CDH13: variants seen among roughly 807,000 people sequenced by gnomAD.
CDH13 encodes the protein cadherin 13, also known as cadherin-13.
In CDH13, 24 loss-of-function variants were observed where a neutral mutation model predicts 63.8. The observed-to-expected ratio is 0.38, with a 90% CI of 0.27 to 0.53. The LOEUF is 0.53. Among genes scored for constraint, CDH13 ranks in the 20% least tolerant of loss-of-function variants. The probability of loss-of-function intolerance (pLI) is 0.85; values close to 1 mark genes in which losing one functional copy is unlikely to be tolerated. For synonymous variants in CDH13, 503 were observed against 355.3 expected (o/e 1.42, Z -4.67); for missense variants, 1,049 against 903.1 (o/e 1.16, Z -2.07).
At chr16:83,213,643 T>A (rs1026559018) in intron 4 of CDH13, among the ~76,000 whole-genome samples, 7 of 152,142 alleles carry the variant, frequency 4.6e-5, no homozygotes, top group African/African-American at 1.7e-4. Flanking sequence ...TCAGAATGCA[T>A]TGTATGTTAA....
chr16:83,080,871 GTTT>G (rs71148809), intron 3 of CDH13, among the ~76,000 whole-genome samples: 276 of 46,914 alleles, frequency 5.9e-3, no homozygotes, highest in African/African-American at 0.024. Context: ...TTGTTTTTGT[GTTT>G]TTTTTTTTTT....
rs539158947 is a variant in CDH13, at chr16:83,226,113, C to G, written c.636+8616C>G. 3.9e-4 allele frequency among the ~76,000 whole-genome samples: 60 copies of G among 152,284 alleles called. No individual in the cohort carries two copies. In the South Asian group the frequency reaches 0.012, roughly 31 times the overall value. ...GTGAAAAAATAATTCGAGGTTTGTTCACAGCCCCTCCCTACCCCTGCACCT... is the reference window on the plus strand; with the variant it reads ...GTGAAAAAATAATTCGAGGTTTGTTGACAGCCCCTCCCTACCCCTGCACCT... On this transcript the variant is annotated intron_variant, in intron 5 of 13. Transcript: ENST00000567109.
At position 83,795,284 on chromosome 16, in the gene CDH13, G is replaced by C. The variant is rs1904276105; in HGVS notation, c.*254G>C. On this transcript the variant is annotated 3_prime_UTR_variant, in exon 14 of 14. Transcript: ENST00000567109. ...GTTTAAAGATCATGACATATGACTT[G>C]ATCTTCTGGGAGCAGGAACAATGAC... 6.2e-6 allele frequency: 3 copies of C among 487,304 alleles called. No individual in the cohort carries two copies. Among genetic ancestry groups the C allele is most frequent in the Non-Finnish European group, 1.1e-5 (3 of 272,004 alleles). The allele number at this position is 487,304 out of a possible 1,614,324, so 30.2% of individuals were successfully genotyped here. A position where few individuals can be genotyped will look rare whatever the true frequency, so the allele number is the denominator to read the frequency against.
chr16:82,692,247 A>C (rs1423649414), intron 1 of CDH13, among the ~76,000 whole-genome samples: 2 of 152,218 alleles, frequency 1.3e-5, no homozygotes, highest in Non-Finnish European at 1.5e-5. Context: ...TCAAATGTTC[A>C]CACTCTGCCT....
At chr16:82,710,847 G>A (rs935634930) in intron 1 of CDH13, among the ~76,000 whole-genome samples, 6 of 149,782 alleles carry the variant, frequency 4.0e-5, no homozygotes, top group African/African-American at 1.5e-4. Flanking sequence ...ATACATAAAT[G>A]TGTACACATT....
At chr16:83,553,559 T>G (rs372284367) in intron 7 of CDH13, among the ~76,000 whole-genome samples, 1 of 152,148 alleles carries the variant, frequency 6.6e-6, no homozygotes, top group Admixed American at 6.5e-5. Flanking sequence ...TTTTTGTTGT[T>G]GTTGTATTTT....
chr16:83,632,970 T>G (rs1910915878), intron 8 of CDH13, among the ~76,000 whole-genome samples: 1 of 152,018 alleles, frequency 6.6e-6, no homozygotes, highest in Admixed American at 6.6e-5. Context: ...CCATGGCATT[T>G]GTAAACTGTC....
At chr16:82,851,213 A>G (rs994641417) in intron 1 of CDH13, among the ~76,000 whole-genome samples, 3 of 152,060 alleles carry the variant, frequency 2.0e-5, no homozygotes, top group African/African-American at 7.2e-5. Flanking sequence ...AGGCGGGCGA[A>G]TCGCAAGGTC....
At chr16:83,701,865 G>A (rs1166786743) in intron 10 of CDH13, among the ~76,000 whole-genome samples, 1 of 152,208 alleles carries the variant, frequency 6.6e-6, no homozygotes, top group Non-Finnish European at 1.5e-5. Context: ...CCTGGCTAAT[G>A]TCTGCGTATT....
At chr16:82,659,742 G>T (rs544161060) in intron 1 of CDH13, among the ~76,000 whole-genome samples, 19 of 152,224 alleles carry the variant, frequency 1.2e-4, no homozygotes, top group Non-Finnish European at 2.1e-4. Context: ...AATTCTGAAC[G>T]TTAAATAGTA....
intron 6 of CDH13, among the ~76,000 whole-genome samples, chr16:83,399,673 G>A (rs1017709605): frequency 3.3e-5 from 5 of 152,148 alleles, no homozygotes; most frequent in Admixed American, 6.5e-5. Flanking sequence ...CTCCTTGTTC[G>A]CTGGGAATCT....
At chr16:82,815,761 C>T (rs941327567) in intron 1 of CDH13, among the ~76,000 whole-genome samples, 1 of 152,102 alleles carries the variant, frequency 6.6e-6, no homozygotes, top group African/African-American at 2.4e-5. Flanking sequence ...TGTTGTCCAC[C>T]CATTATACTG....
chr16:82,677,550 C>T (rs1006968199), intron 1 of CDH13, among the ~76,000 whole-genome samples: 4 of 149,286 alleles, frequency 2.7e-5, no homozygotes, highest in African/African-American at 9.9e-5. Context: ...TAAATTACTG[C>T]TGTGTAGATA....
chr16:83,703,768 C>T (rs1007098969), intron 10 of CDH13, among the ~76,000 whole-genome samples: 1 of 152,178 alleles, frequency 6.6e-6, no homozygotes, highest in African/African-American at 2.4e-5. Context: ...TTGGCAGACT[C>T]CCTCAGAGGT....
At chr16:83,748,298 T>C in intron 11 of CDH13, 48 bp downstream of exon 11, 2 of 1,526,404 alleles carry the variant, frequency 1.3e-6, no homozygotes, top group African/African-American at 1.4e-5. Flanking sequence ...CTGCTACAAA[T>C]ATACTTTTAC....
Position 83,574,901 on chromosome 16 carries a change from C to A in CDH13, c.961-27553C>A, listed in dbSNP as rs1021677079. On this transcript the variant is annotated intron_variant, in intron 7 of 13. Transcript: ENST00000567109. ...TTCTAAAGGGAACAATGTGAAATAC[C>A]CAAGAGAAATGAAAACACACATCCA... Among the ~76,000 whole-genome samples the A allele has an allele frequency of 2.6e-5, 4 of 151,750 alleles. No individual in the cohort carries two copies. In the South Asian group the frequency reaches 6.3e-4, roughly 24 times the overall value.
At chr16:83,489,683 C>T (rs529139124) in intron 7 of CDH13, among the ~76,000 whole-genome samples, 9 of 152,166 alleles carry the variant, frequency 5.9e-5, no homozygotes, top group East Asian at 1.9e-4. Flanking sequence ...CACATGGATG[C>T]GATACTTTCT....
At chr16:83,080,946 A>G (rs1443776596) in intron 3 of CDH13, among the ~76,000 whole-genome samples, 2 of 127,524 alleles carry the variant, frequency 1.6e-5, no homozygotes, top group African/African-American at 3.1e-5. Context: ...CAATGGTGCA[A>G]TCTTGGCTCA....
intron 5 of CDH13, among the ~76,000 whole-genome samples, chr16:83,288,944 C>T (rs2089396126): frequency 6.6e-6 from 1 of 152,142 alleles, no homozygotes; most frequent in Non-Finnish European, 1.5e-5. Flanking sequence ...ACTTATATTG[C>T]AGGAGAAAAA....
Sources: gnomAD v4.1 joint callset for allele counts (sites outside exome capture counted in the v4.1 genomes callset) on GRCh38, gnomAD v4.1.1 for gene constraint, MANE v1.5 for transcripts, NCBI Gene and HGNC (gene_info 2026-07-23, HGNC 2026-07-21) for gene names.